Variants in FBXO34 observed in about 807,000 individuals in gnomAD.
FBXO34 encodes F-box protein 34, also known as F-box only protein 34.
Under a neutral mutation model 24.5 loss-of-function variants are expected in FBXO34, and 12 were observed. The ratio of observed to expected loss-of-function variants is 0.49; its 90% CI spans 0.31 to 0.79. The LOEUF (loss-of-function observed/expected upper bound fraction) is 0.79. FBXO34 is among the 30% of genes least tolerant of loss of function. The probability of loss-of-function intolerance (pLI) is 0.04; values close to 1 mark genes in which losing one functional copy is unlikely to be tolerated. For missense variants in FBXO34, 823 were observed against 857.7 expected (o/e 0.96, Z 0.51); for synonymous variants, 320 against 311.9 (o/e 1.03, Z -0.27).
At chr14:55,328,420 A>G (rs1283254290) in intron 1 of FBXO34, among the ~76,000 whole-genome samples, 2 of 152,346 alleles carry the variant, frequency 1.3e-5, no homozygotes, top group East Asian at 3.9e-4. Flanking sequence ...CACCGTAACA[A>G]TAGAGCTGAT....
In FBXO34 at chr14:55,352,534, G is replaced by A. The variant is rs746799004; in HGVS notation, c.*8G>A. ...GCTGAAGAGGAATACTAAAGTCCAT[G>A]TGAGAGGCAACAAAAGGACCGGTTT... On this transcript the variant is annotated 3_prime_UTR_variant, in exon 2 of 2. Transcript: ENST00000313833. 2 of 1,580,980 alleles carry A rather than the reference G, an allele frequency of 1.3e-6. No individual in the cohort carries two copies. Among genetic ancestry groups the A allele is most frequent in the Non-Finnish European group, 1.7e-6 (2 of 1,165,028 alleles).
intron 1 of FBXO34, among the ~76,000 whole-genome samples, chr14:55,299,887 C>G (rs1420276335): frequency 2.6e-5 from 4 of 152,196 alleles, no homozygotes; most frequent in Non-Finnish European, 5.9e-5. Flanking sequence ...AACCACTCTA[C>G]TCATGTAGGA....
chr14:55,364,985 C>T (rs1009019209), downstream of FBXO34, among the ~76,000 whole-genome samples: 1 of 149,790 alleles, frequency 6.7e-6, no homozygotes, highest in East Asian at 2.0e-4. Context: ...CTTTGGGAGG[C>T]CGAGGCGAGC....
At chr14:55,325,481 TA>T (rs988464275) in intron 1 of FBXO34, among the ~76,000 whole-genome samples, 7 of 134,918 alleles carry the variant, frequency 5.2e-5, no homozygotes, top group African/African-American at 7.8e-5. Flanking sequence ...TAAACTAAAT[TA>T]TTTTTTTTTT....
intron 1 of FBXO34, among the ~76,000 whole-genome samples, chr14:55,273,915 C>G (rs1881248417): frequency 6.6e-6 from 1 of 152,180 alleles, no homozygotes; most frequent in African/African-American, 2.4e-5. Flanking sequence ...AAGCGATTCT[C>G]CTGGCTCAGC....
intron 1 of FBXO34, among the ~76,000 whole-genome samples, chr14:55,334,866 G>A (rs1346601458): frequency 6.6e-6 from 1 of 152,220 alleles, no homozygotes; most frequent in Non-Finnish European, 1.5e-5. Flanking sequence ...GCTGCGCTGA[G>A]TTTTCATCCA....
downstream of FBXO34, among the ~76,000 whole-genome samples, chr14:55,362,819 A>G (rs956194317): frequency 6.6e-6 from 1 of 152,100 alleles, no homozygotes; most frequent in Non-Finnish European, 1.5e-5. Flanking sequence ...TACACTCCAG[A>G]AATGTTGTCT....
the FBXO34 span, among the ~76,000 whole-genome samples, chr14:55,429,288 C>G: frequency 6.6e-6 from 1 of 152,128 alleles, no homozygotes; most frequent in Non-Finnish European, 1.5e-5. Context: ...AAAGTGTGTC[C>G]CCAGACCAGC....
chr14:55,383,903 C>G, the FBXO34 span, among the ~76,000 whole-genome samples: 54 of 152,304 alleles, frequency 3.5e-4, 1 homozygote, highest in South Asian at 0.011. Flanking sequence ...GGCGACAGTA[C>G]TGGGAAAGCA....
chr14:55,380,855 G>GTGTATATA, the FBXO34 span, among the ~76,000 whole-genome samples: 1 of 118,084 alleles, frequency 8.5e-6, no homozygotes, highest in Non-Finnish European at 1.7e-5. Flanking sequence ...TTCTTTGTGT[G>GTGTATATA]TATATATATA....
chr14:55,296,382 G>GTTTT (rs1285557004), intron 1 of FBXO34, among the ~76,000 whole-genome samples: 1,143 of 95,564 alleles, frequency 0.012, 66 homozygotes, highest in Middle Eastern at 0.017. Context: ...CTGTTCTTGT[G>GTTTT]TTTTTTTTGT....
At chr14:55,342,137 C>T (rs1475376441) in intron 1 of FBXO34, among the ~76,000 whole-genome samples, 1 of 152,080 alleles carries the variant, frequency 6.6e-6, no homozygotes, top group African/African-American at 2.4e-5. Context: ...CTTTGTTGTC[C>T]CATCAAACTT....
chr14:55,325,206 T>G (rs1044265816), intron 1 of FBXO34, among the ~76,000 whole-genome samples: 2 of 152,242 alleles, frequency 1.3e-5, no homozygotes, highest in Non-Finnish European at 2.9e-5. Flanking sequence ...TCTGTTATAT[T>G]TTAGCAGCAT....
chr14:55,353,346 A>G lies in FBXO34; in HGVS notation c.*820A>G, dbSNP rs1200851907. ...TAAAATATGAATGTTTCCCAAATAA[A>G]CTATGAATGTTTCCTGTATAATATA... On this transcript the variant is annotated 3_prime_UTR_variant, in exon 2 of 2. Transcript: ENST00000313833. 6 of 167,032 alleles carry G rather than the reference A, an allele frequency of 3.6e-5. No individual in the cohort carries two copies. Among genetic ancestry groups the G allele is most frequent in the African/African-American group, 1.4e-4 (6 of 41,430 alleles). 10.3% of individuals were successfully genotyped at this position (167,032 alleles called of 1,614,324 possible).
At position 55,351,396 on chromosome 14, in the gene FBXO34, C is replaced by A. The variant is rs769763781; in HGVS notation, c.1006C>A (p.Pro336Thr). 1 of 1,614,162 alleles carries A rather than the reference C, an allele frequency of 6.2e-7. No individual in the cohort carries two copies. Among genetic ancestry groups the A allele is most frequent in the Non-Finnish European group, 8.5e-7 (1 of 1,180,016 alleles). Residue 336 changes from proline (P) to threonine (T), a missense_variant, in exon 2 of 2, where the codon CCT becomes ACT. This residue lies in a region of FBXO34 where 693 missense variants were observed against 659.1 expected (regional missense o/e 1.05). Coordinates refer to ENST00000313833, the MANE Select transcript of FBXO34 (RefSeq NM_017943.4). The stretch of plus-strand genomic sequence containing the variant: ...AACAAAGAAAGGCGTCTTGGAGGCA[C>A]CTGACACTCAGGTGAATCCTGTGGG... ...GKTKKGVLEA[P>T]DTQVNPVGSV...
the FBXO34 span, among the ~76,000 whole-genome samples, chr14:55,398,896 T>A: frequency 6.6e-6 from 1 of 151,960 alleles, no homozygotes; most frequent in African/African-American, 2.4e-5. Flanking sequence ...CAACTGACTG[T>A]GGAGTGAACG....
chr14:55,441,784 T>G, the FBXO34 span, among the ~76,000 whole-genome samples: 8 of 151,888 alleles, frequency 5.3e-5, no homozygotes, highest in Admixed American at 5.2e-4. Context: ...TTCTTTTCTT[T>G]TTTTGAGACA....
At chr14:55,431,443 C>T in the FBXO34 span, among the ~76,000 whole-genome samples, 1 of 152,184 alleles carries the variant, frequency 6.6e-6, no homozygotes, top group Non-Finnish European at 1.5e-5. Flanking sequence ...TACAATGTGA[C>T]CATCCTTTCA....
At chr14:55,314,342 A>G (rs907655151) in intron 1 of FBXO34, among the ~76,000 whole-genome samples, 1 of 152,228 alleles carries the variant, frequency 6.6e-6, no homozygotes, top group Non-Finnish European at 1.5e-5. Flanking sequence ...AAACGGTCTT[A>G]ACAGTGCTTT....
Sources: allele counts gnomAD v4.1 joint callset (sites outside exome capture counted in the v4.1 genomes callset), GRCh38; gene constraint gnomAD v4.1.1; regional missense constraint gnomAD v4.1.1; transcripts MANE v1.5; gene names NCBI Gene and HGNC (gene_info 2026-07-23, HGNC 2026-07-21).